KIF21A: variants seen among roughly 807,000 people sequenced by gnomAD.
KIF21A encodes the protein kinesin-like protein KIF21A.
Under a neutral mutation model 202.9 loss-of-function variants are expected in KIF21A, and 114 were observed. That is an observed-to-expected ratio of 0.56 (90% CI 0.48 to 0.66). The LOEUF (loss-of-function observed/expected upper bound fraction) is 0.66, where lower values mean the gene tolerates loss of function less well. KIF21A is among the 30% of genes least tolerant of loss of function. The pLI is 0.00. For missense variants in KIF21A, 1,677 were observed against 1,994.9 expected (o/e 0.84, Z 3.04); for synonymous variants, 667 against 670.8 (o/e 0.99, Z 0.09).
intron 27 of KIF21A, among the ~76,000 whole-genome samples, chr12:39,321,048 G>T (rs1473934441): frequency 6.8e-6 from 1 of 147,402 alleles, no homozygotes; most frequent in Non-Finnish European, 1.5e-5. Context: ...AAAACTAAAT[G>T]TAATTAAATT....
chr12:39,356,635 G>T (rs757170293), intron 10 of KIF21A, 197 bp downstream of exon 10: 3 of 449,512 alleles, frequency 6.7e-6, no homozygotes, highest in Admixed American at 4.1e-5. Flanking sequence ...AATATGGGAA[G>T]AGAAAGGAGG....
chr12:39,350,395 T>C (rs1948268064), intron 11 of KIF21A, among the ~76,000 whole-genome samples: 2 of 152,096 alleles, frequency 1.3e-5, no homozygotes, highest in South Asian at 4.1e-4. Flanking sequence ...CCTTAAAAAA[T>C]AAACTTTGCT....
chr12:39,359,653 G>C (rs1949053291), intron 7 of KIF21A, among the ~76,000 whole-genome samples: 1 of 152,146 alleles, frequency 6.6e-6, no homozygotes, highest in African/African-American at 2.4e-5. Flanking sequence ...ATGCTGATTA[G>C]AGAATAGAGC....
chr12:39,398,985 A>C (rs540729059), intron 1 of KIF21A, among the ~76,000 whole-genome samples: 3 of 152,174 alleles, frequency 2.0e-5, no homozygotes, highest in Non-Finnish European at 4.4e-5. Flanking sequence ...ACACTTTGGG[A>C]GGCTGAGGCA....
intron 6 of KIF21A, among the ~76,000 whole-genome samples, chr12:39,364,683 C>T (rs1272796192): frequency 2.6e-5 from 4 of 152,148 alleles, no homozygotes; most frequent in Admixed American, 6.5e-5. Context: ...ATCAGTGAGA[C>T]AAGTATGACA....
At chr12:39,308,337 G>A (rs1034882014) in intron 33 of KIF21A, among the ~76,000 whole-genome samples, 1 of 151,154 alleles carries the variant, frequency 6.6e-6, no homozygotes. Context: ...GCAGTGAGCC[G>A]AGATTGCACC....
At chr12:39,319,776 C>A (rs1945001352) in intron 28 of KIF21A, 130 bp downstream of exon 28, 2 of 658,336 alleles carry the variant, frequency 3.0e-6, no homozygotes, top group East Asian at 2.9e-5. Context: ...ACTTGACTGT[C>A]TTGATTAGTC....
intron 1 of KIF21A, among the ~76,000 whole-genome samples, chr12:39,415,872 C>T (rs972260384): frequency 6.6e-6 from 1 of 152,168 alleles, no homozygotes; most frequent in African/African-American, 2.4e-5. Context: ...ATTCCCTCTG[C>T]TTAGACAGCT....
intron 1 of KIF21A, among the ~76,000 whole-genome samples, chr12:39,424,480 T>A (rs1954592354): frequency 6.6e-6 from 1 of 152,206 alleles, no homozygotes; most frequent in African/African-American, 2.4e-5. Context: ...AGACCAGACA[T>A]CTTCCCTGTG....
Position 39,332,365 on chromosome 12 carries a change from C to T in KIF21A, c.2900G>A (p.Arg967Lys), listed in dbSNP as rs61733370. 355 of 1,613,996 alleles carry T rather than the reference C, an allele frequency of 2.2e-4. No homozygotes were observed. In the African/African-American group the frequency reaches 4.2e-3, roughly 19 times the overall value. Residue 967 changes from arginine to lysine, a missense_variant, in exon 21 of 38, where the codon AGA becomes AAA. By Grantham distance (26) the Arg-to-Lys change is conservative. Around this residue, in one of 3 missense-constraint regions of KIF21A, gnomAD observed 966 missense variants for 1,180.9 expected, o/e 0.82. Transcript: ENST00000361418. ...LTKRREKLSK[R>K]REKIVKENGE... ...ATTCTCCTTGACTATCTTCTCCCTT[C>T]TTTTTGAAAGTTTCTCTCGTCTTTT...
At chr12:39,397,899 G>A (rs188167562) in intron 1 of KIF21A, among the ~76,000 whole-genome samples, 470 of 152,296 alleles carry the variant, frequency 3.1e-3, no homozygotes, top group Non-Finnish European at 4.9e-3. Flanking sequence ...TTAACACAAT[G>A]GTAGAATGTG....
intron 1 of KIF21A, among the ~76,000 whole-genome samples, chr12:39,385,491 A>G (rs1566087639): frequency 6.6e-6 from 1 of 152,220 alleles, no homozygotes; most frequent in Non-Finnish European, 1.5e-5. Flanking sequence ...AAAATACTGT[A>G]TATCTTCCTG....
chr12:39,435,503 C>T (rs1938564798), intron 1 of KIF21A, among the ~76,000 whole-genome samples: 1 of 152,088 alleles, frequency 6.6e-6, no homozygotes, highest in Non-Finnish European at 1.5e-5. Flanking sequence ...GACAGGCCTC[C>T]ATTACAATCA....
At chr12:39,308,676 C>T (rs2137298203) in intron 33 of KIF21A, among the ~76,000 whole-genome samples, 1 of 152,128 alleles carries the variant, frequency 6.6e-6, no homozygotes, top group East Asian at 1.9e-4. Context: ...GAAACATTTT[C>T]TTAGCTAACT....
intron 1 of KIF21A, among the ~76,000 whole-genome samples, chr12:39,430,956 G>T (rs1438920219): frequency 1.3e-5 from 2 of 152,158 alleles, no homozygotes; most frequent in African/African-American, 4.8e-5. Flanking sequence ...TCAGATGTCA[G>T]CACCCAGAAC....
chr12:39,423,634 AG>A (rs1266106149), intron 1 of KIF21A, among the ~76,000 whole-genome samples: 1 of 151,898 alleles, frequency 6.6e-6, no homozygotes, highest in Non-Finnish European at 1.5e-5. Flanking sequence ...GGATCACCTG[AG>A]GTCAGGAGTT....
chr12:39,345,171 GT>G (rs1348629349), intron 12 of KIF21A, among the ~76,000 whole-genome samples: 2 of 152,178 alleles, frequency 1.3e-5, no homozygotes, highest in Non-Finnish European at 2.9e-5. Context: ...TGCTTTTGCT[GT>G]CCTTCAGGGA....
Position 39,332,755 on chromosome 12 carries a change from A to G in KIF21A, c.2703-11T>C, listed in dbSNP as rs1946620647. 6.2e-7 allele frequency: 1 copy of G among 1,613,980 alleles called. No individual in the cohort carries two copies. Among genetic ancestry groups the G allele is most frequent in the Non-Finnish European group, 8.5e-7 (1 of 1,179,912 alleles). On this transcript the variant is annotated splice_polypyrimidine_tract_variant and intron_variant, in intron 19 of 37. Transcript: ENST00000361418. ...CTCTGATATTTTTTCCTATAATCAT[A>G]TAAAACAGACAAGCTCAATTACTTA...
Position 39,367,049 on chromosome 12 carries a change from A to C in KIF21A, c.716T>G (p.Val239Gly). Residue 239 changes from valine to glycine, a missense_variant, in exon 5 of 38, where the codon GTG (valine) becomes GGG (glycine). Val to Gly is a moderately radical substitution (Grantham distance 109, BLOSUM62 -3). This residue lies in a region of KIF21A where 966 missense variants were observed against 1,180.9 expected (regional missense o/e 0.82). Coordinates refer to ENST00000361418, the MANE Select transcript of KIF21A (RefSeq NM_001173464.2). The stretch of plus-strand genomic sequence containing the variant: ...ACTCACAGCATCTATTTGGGGACAC[A>C]CTCTGGTTTGACACACATGAATGGT... ...IFTIHVCQTR[V>G]CPQIDADNAT... 6.2e-7 allele frequency: 1 copy of C among 1,613,684 alleles called. No individual in the cohort carries two copies. The highest frequency in any genetic ancestry group is 8.5e-7 in the Non-Finnish European group (1 of 1,179,648).
Sources: allele counts gnomAD v4.1 joint callset (sites outside exome capture counted in the v4.1 genomes callset), GRCh38; gene constraint gnomAD v4.1.1; regional missense constraint gnomAD v4.1.1; transcripts MANE v1.5; gene names NCBI Gene and HGNC (gene_info 2026-07-23, HGNC 2026-07-21).